ESF1: variants seen among roughly 807,000 people sequenced by gnomAD.
The protein encoded by ESF1 is ESF1 homolog.
ESF1 carries 58 observed loss-of-function variants against 92.0 expected under a neutral mutation model. The ratio of observed to expected loss-of-function variants is 0.63; its 90% CI spans 0.51 to 0.78. The LOEUF is 0.78. ESF1 is among the 30% of genes least tolerant of loss of function. The pLI is 0.00. For missense variants in ESF1, 922 were observed against 989.1 expected (o/e 0.93, Z 0.91); for synonymous variants, 321 against 313.7 (o/e 1.02, Z -0.24).
Position 13,776,719 on chromosome 20 carries a change from A to T in ESF1, c.638-449T>A, listed in dbSNP as rs534853931. Among the ~76,000 whole-genome samples the T allele has an allele frequency of 2.6e-5, 4 of 152,324 alleles. No homozygotes were observed. In the East Asian group the frequency reaches 7.7e-4, roughly 29 times the overall value. On this transcript the variant is annotated intron_variant, in intron 2 of 13. Coordinates refer to ENST00000617257, the MANE Select transcript of ESF1 (RefSeq NM_001276380.2). ...ATCACAACTAAGATATCCCAGAAAG[A>T]ATGTTTTCTAAGGGGATTTAATGGG...
chr20:13,722,687 A>ATT (rs35588189), intron 11 of ESF1, among the ~76,000 whole-genome samples: 23 of 147,206 alleles, frequency 1.6e-4, no homozygotes, highest in South Asian at 2.2e-4. Flanking sequence ...CCAGCTCCAC[A>ATT]TTTTTTTTTT....
Position 13,736,580 on chromosome 20 carries a change from T to C in ESF1, c.1829-2738A>G, listed in dbSNP as rs370901970. ...AGTAAATACTTAATAAACACTTAAT[T>C]GATCTGTCTTAAAGGAGGGATTCTT... is the stretch of plus-strand genomic sequence containing the variant. On this transcript the variant is annotated intron_variant, in intron 9 of 13. Coordinates refer to ENST00000617257, the MANE Select transcript of ESF1 (RefSeq NM_001276380.2). Among the ~76,000 whole-genome samples, 5 of 152,304 alleles carry C rather than the reference T, an allele frequency of 3.3e-5. No homozygotes were observed. The East Asian group carries it at 9.6e-4, about 29-fold the overall frequency.
At position 13,714,771 on chromosome 20, in the gene ESF1, C is replaced by T. The variant is rs969309025; in HGVS notation, c.*103G>A. On this transcript the variant is annotated 3_prime_UTR_variant, in exon 14 of 14. Transcript: ENST00000617257. ...ACTATGTCCAGAAAAAGATTTTATTCATGTTCTTGAAAGATAGCTTTGTTC... is the reference window on the plus strand; with the variant it reads ...ACTATGTCCAGAAAAAGATTTTATTTATGTTCTTGAAAGATAGCTTTGTTC... The T allele has an allele frequency of 3.6e-5, 38 of 1,053,510 alleles. No individual in the cohort carries two copies. The highest frequency in any genetic ancestry group is 5.0e-5 in the Non-Finnish European group (38 of 757,650). The allele number at this position is 1,053,510 out of a possible 1,614,324, so 65.3% of individuals were successfully genotyped here. A position where few individuals can be genotyped will look rare whatever the true frequency, so the allele number is the denominator to read the frequency against.
intron 4 of ESF1, among the ~76,000 whole-genome samples, chr20:13,774,405 G>A (rs1489890330): frequency 6.6e-6 from 1 of 152,182 alleles, no homozygotes. Context: ...TTCAAAATCT[G>A]AAATTCTAAA....
At position 13,776,075 on chromosome 20, in the gene ESF1, T is replaced by C. The variant is rs780354632; in HGVS notation, c.833A>G (p.Glu278Gly). The change falls in exon 3 of 14, where the codon GAG becomes GGG. Residue 278 changes from glutamate (E) to glycine (G), a missense_variant. By Grantham distance (98) the Glu-to-Gly change is moderately conservative. Transcript: ENST00000617257. ...TTCATCCTCCTCTTCATCTTCATCC[T>C]CCTCTTCATCATCTTCACTTCCATC... ...DDDGSEDDEE[E>G]DEDEEEDEDE... 6.2e-7 allele frequency: 1 copy of C among 1,613,548 alleles called. No homozygotes were observed. The highest frequency in any genetic ancestry group is 8.5e-7 in the Non-Finnish European group (1 of 1,179,610).
Position 13,717,352 on chromosome 20 carries a change from T to G in ESF1, c.2262+16A>C. On this transcript the variant is annotated intron_variant, in intron 13 of 13. Coordinates refer to ENST00000617257, the MANE Select transcript of ESF1 (RefSeq NM_001276380.2). ...AATTCCAGCTTTAAGAGGCTATGCC[T>G]GGTGTCTATGGTTACCTCAAAGTCA... 6.2e-7 allele frequency: 1 copy of G among 1,613,220 alleles called. No homozygotes were observed. Among genetic ancestry groups the G allele is most frequent in the East Asian group, 2.2e-5 (1 of 44,874 alleles).
intron 9 of ESF1, among the ~76,000 whole-genome samples, chr20:13,755,663 C>T (rs1026213998): frequency 5.9e-5 from 9 of 152,138 alleles, no homozygotes; most frequent in African/African-American, 2.2e-4. Context: ...AACATTTTTA[C>T]TTATTTATAA....
At chr20:13,772,347 T>C (rs544478672) in intron 5 of ESF1, among the ~76,000 whole-genome samples, 168 bp downstream of exon 5, 1 of 152,162 alleles carries the variant, frequency 6.6e-6, no homozygotes, top group African/African-American at 2.4e-5. Flanking sequence ...AAAAATCTTC[T>C]TGGAATAATG....
At chr20:13,778,506 A>G (rs1249068030) in intron 2 of ESF1, among the ~76,000 whole-genome samples, 1 of 152,014 alleles carries the variant, frequency 6.6e-6, no homozygotes, top group Admixed American at 6.6e-5. Flanking sequence ...GTTTTGCTCT[A>G]AACAATATTC....
intron 9 of ESF1, among the ~76,000 whole-genome samples, chr20:13,746,171 G>A (rs1449933931): frequency 2.6e-5 from 4 of 152,040 alleles, no homozygotes; most frequent in Non-Finnish European, 4.4e-5. Flanking sequence ...CACCATATTG[G>A]CCAGGCTGGT....
At chr20:13,769,524 G>A (rs935559169) in intron 7 of ESF1, among the ~76,000 whole-genome samples, 3 of 152,128 alleles carry the variant, frequency 2.0e-5, no homozygotes, top group African/African-American at 7.2e-5. Flanking sequence ...AGTGGCTCAC[G>A]AAACCTGTAA....
At chr20:13,760,165 T>C (rs1979095830) in intron 8 of ESF1, among the ~76,000 whole-genome samples, 1 of 152,270 alleles carries the variant, frequency 6.6e-6, no homozygotes, top group Non-Finnish European at 1.5e-5. Context: ...ATAATGAAGA[T>C]GGCATTTTCA....
intron 9 of ESF1, among the ~76,000 whole-genome samples, chr20:13,738,820 G>A (rs2049992806): frequency 6.6e-6 from 1 of 151,946 alleles, no homozygotes; most frequent in Non-Finnish European, 1.5e-5. Flanking sequence ...CATACAGCAC[G>A]CACCTTATAA....
At chr20:13,717,292 G>A in intron 13 of ESF1, 76 bp downstream of exon 13, 1 of 1,545,266 alleles carries the variant, frequency 6.5e-7, no homozygotes. Flanking sequence ...CTTTGACTAT[G>A]CTCAATTTCT....
intron 13 of ESF1, among the ~76,000 whole-genome samples, chr20:13,717,130 T>A (rs915701784): frequency 6.6e-6 from 1 of 152,016 alleles, no homozygotes; most frequent in Non-Finnish European, 1.5e-5. Context: ...TAATTTTTTT[T>A]ATTTTTCATA....
intron 3 of ESF1, among the ~76,000 whole-genome samples, chr20:13,775,558 A>G (rs1035182037): frequency 6.6e-6 from 1 of 152,200 alleles, no homozygotes; most frequent in Non-Finnish European, 1.5e-5. Flanking sequence ...TTTGCCATGC[A>G]TGCATGAGTA....
chr20:13,745,471 A>G (rs1255704475), intron 9 of ESF1, among the ~76,000 whole-genome samples: 1 of 152,184 alleles, frequency 6.6e-6, no homozygotes, highest in Non-Finnish European at 1.5e-5. Flanking sequence ...TACTTTTTAG[A>G]GATGGAGTCT....
chr20:13,778,872 C>T (rs891273757), intron 2 of ESF1, among the ~76,000 whole-genome samples: 3 of 152,098 alleles, frequency 2.0e-5, no homozygotes, highest in Non-Finnish European at 4.4e-5. Context: ...TGGCAAAACT[C>T]TTTGTCTCTA....
At chr20:13,759,975 A>C in intron 8 of ESF1, 122 bp from the exon 9 acceptor site, 1 of 1,382,336 alleles carries the variant, frequency 7.2e-7, no homozygotes, top group Non-Finnish European at 9.4e-7. Flanking sequence ...ATCAGACTTA[A>C]ATTTCTGAAT....
Sources: gnomAD v4.1 joint callset for allele counts (sites outside exome capture counted in the v4.1 genomes callset) on GRCh38, gnomAD v4.1.1 for gene constraint, MANE v1.5 for transcripts, NCBI Gene and HGNC (gene_info 2026-07-23, HGNC 2026-07-21) for gene names.